The following MYLK variants were observed in gnomAD, a reference collection of about 807,000 sequenced individuals.
MYLK encodes myosin light chain kinase, smooth muscle.
A neutral mutation model predicts 203.4 loss-of-function variants in MYLK; 106 were observed. The ratio of observed to expected loss-of-function variants is 0.52; its 90% CI spans 0.45 to 0.61. The LOEUF (loss-of-function observed/expected upper bound fraction) is 0.61, where lower values mean the gene tolerates loss of function less well. MYLK is among the 20% of genes least tolerant of loss of function. The pLI is 0.00. For synonymous variants in MYLK, 867 were observed against 959.5 expected, an observed-to-expected ratio of 0.90 and a Z score of 1.78; for missense variants, 2,072 against 2,442.3, an observed-to-expected ratio of 0.85 and a Z score of 3.20.
At chr3:123,650,310 T>G (rs1229845611) in intron 24 of MYLK, among the ~76,000 whole-genome samples, 1 of 152,158 alleles carries the variant, frequency 6.6e-6, no homozygotes, top group Non-Finnish European at 1.5e-5. Flanking sequence ...CTGGGCTGCG[T>G]CCTGGCTGAC....
chr3:123,779,479 C>A (rs989893961), intron 4 of MYLK, among the ~76,000 whole-genome samples: 1 of 152,186 alleles, frequency 6.6e-6, no homozygotes, highest in Non-Finnish European at 1.5e-5. Context: ...GAGCCAAGTT[C>A]TTCACACTCC....
At chr3:123,820,301 G>C (rs1161072936) in intron 3 of MYLK, among the ~76,000 whole-genome samples, 1 of 152,210 alleles carries the variant, frequency 6.6e-6, no homozygotes. Context: ...TGGGAGCAGG[G>C]AAGTACAGAT....
intron 3 of MYLK, among the ~76,000 whole-genome samples, chr3:123,795,848 A>G (rs960494045): frequency 1.3e-5 from 2 of 152,220 alleles, no homozygotes; most frequent in Admixed American, 1.3e-4. Flanking sequence ...CTTAAGTCCT[A>G]TGCTGTGAGT....
chr3:123,699,439 C>T (rs1265872059), intron 18 of MYLK, among the ~76,000 whole-genome samples: 1 of 152,222 alleles, frequency 6.6e-6, no homozygotes, highest in Admixed American at 6.5e-5. Context: ...GCTGTAGGGG[C>T]TGTTTTGGGA....
At chr3:123,772,187 G>A (rs2063905602) in intron 4 of MYLK, among the ~76,000 whole-genome samples, 1 of 152,096 alleles carries the variant, frequency 6.6e-6, no homozygotes, top group Admixed American at 6.5e-5. Context: ...GAAATACTTT[G>A]TCCTTGTATT....
At chr3:123,724,139 C>CTTTTTTTTTTTTTTTTTTTTTTTTT (rs5852359) in intron 12 of MYLK, among the ~76,000 whole-genome samples, 1 of 80,850 alleles carries the variant, frequency 1.2e-5, no homozygotes. Flanking sequence ...CTAAGTTTTG[C>CTTTTTTTTTTTTTTTTTTTTTTTTT]TTTTTTTTTT....
At chr3:123,825,220 T>C (rs1389809190) in intron 3 of MYLK, among the ~76,000 whole-genome samples, 2 of 151,902 alleles carry the variant, frequency 1.3e-5, no homozygotes, top group Non-Finnish European at 2.9e-5. Context: ...AAAATACCTA[T>C]GGAGGAAACT....
intron 19 of MYLK, chr3:123,692,482 C>T: frequency 9.2e-7 from 1 of 1,087,044 alleles, no homozygotes; most frequent in Non-Finnish European, 1.2e-6. Context: ...GTGTGGGGAT[C>T]AGGACTGGGA....
chr3:123,847,965 T>C (rs2148660683), intron 2 of MYLK, among the ~76,000 whole-genome samples: 1 of 152,210 alleles, frequency 6.6e-6, no homozygotes, highest in African/African-American at 2.4e-5. Context: ...GATTATTTAC[T>C]TCTTGGAGTT....
chr3:123,725,724 G>A (rs1311291942), intron 12 of MYLK, among the ~76,000 whole-genome samples: 2 of 152,214 alleles, frequency 1.3e-5, no homozygotes, highest in African/African-American at 4.8e-5. Context: ...CATGATTCCT[G>A]CCATGTAGAT....
intron 6 of MYLK, 51 bp downstream of exon 6, chr3:123,739,902 C>T: frequency 1.9e-6 from 3 of 1,585,512 alleles, no homozygotes; most frequent in Non-Finnish European, 2.6e-6. Flanking sequence ...CTGCTCAAGT[C>T]AGCAGGAAAG....
intron 6 of MYLK, 121 bp downstream of exon 6, chr3:123,739,832 G>A: frequency 9.1e-7 from 1 of 1,095,062 alleles, no homozygotes; most frequent in South Asian, 1.3e-5. Flanking sequence ...CATTGTACTA[G>A]GCTCCCGCCC....
At chr3:123,721,340 G>C (rs1327083925) in intron 13 of MYLK, among the ~76,000 whole-genome samples, 1 of 152,046 alleles carries the variant, frequency 6.6e-6, no homozygotes, top group Non-Finnish European at 1.5e-5. Context: ...GGAGCCGGGG[G>C]CATAGGCTCA....
chr3:123,822,601 G>A (rs926130211), intron 3 of MYLK, among the ~76,000 whole-genome samples: 1 of 152,196 alleles, frequency 6.6e-6, no homozygotes, highest in African/African-American at 2.4e-5. Flanking sequence ...ACCCATCAGT[G>A]TCCCTGCTTC....
chr3:123,745,136 T>G (rs1044292647), intron 5 of MYLK, among the ~76,000 whole-genome samples: 1 of 152,210 alleles, frequency 6.6e-6, no homozygotes, highest in African/African-American at 2.4e-5. Context: ...CTCTTTTTTT[T>G]TGTATTATTG....
At position 123,701,569 on chromosome 3, in the gene MYLK, G is replaced by C. The variant is rs962474559; in HGVS notation, c.2391-60C>G. ...GCCCTCTGGGCAAAGGGCCTGTTCA[G>C]TGTGGACTTGATCACAGGCTGCTGG... On this transcript the variant is annotated intron_variant, in intron 16 of 33. Transcript: ENST00000360304. 2.6e-6 allele frequency: 4 copies of C among 1,545,142 alleles called. No individual in the cohort carries two copies. In the African/African-American group the frequency reaches 5.4e-5, roughly 21 times the overall value.
chr3:123,685,212 C>T (rs963429626), intron 19 of MYLK, among the ~76,000 whole-genome samples: 2 of 152,220 alleles, frequency 1.3e-5, no homozygotes, highest in African/African-American at 4.8e-5. Context: ...CACATCTGTA[C>T]AAGGGAATCA....
At chr3:123,674,778 G>A (rs958587172) in intron 20 of MYLK, among the ~76,000 whole-genome samples, 1 of 152,204 alleles carries the variant, frequency 6.6e-6, no homozygotes, top group African/African-American at 2.4e-5. Context: ...TCTTCTCTTG[G>A]ATGGCTCTTG....
At position 123,708,750 on chromosome 3, in the gene MYLK, C is replaced by T. The variant is rs745741561; in HGVS notation, c.2088G>A (p.Glu696=). 1 of 1,614,172 alleles carries T rather than the reference C, an allele frequency of 6.2e-7. No individual in the cohort carries two copies. Among genetic ancestry groups the T allele is most frequent in the South Asian group, 1.1e-5 (1 of 91,086 alleles). The change falls in exon 15 of 34, where the codon GAG becomes GAA. Residue 696 remains glutamate, a synonymous_variant. Coordinates refer to ENST00000360304, the MANE Select transcript of MYLK (RefSeq NM_053025.4). ...FPEDTGTYTC[E]AWNSAGEVRT... ...GGACCTCTCCAGCGCTGTTCCAGGC[C>T]TCGCAGGTGTACGTGCCCGTGTCCT...
Sources: allele counts gnomAD v4.1 joint callset (sites outside exome capture counted in the v4.1 genomes callset), GRCh38; gene constraint gnomAD v4.1.1; transcripts MANE v1.5; gene names NCBI Gene and HGNC (gene_info 2026-07-23, HGNC 2026-07-21).